VRK3: variants seen among roughly 807,000 people sequenced by gnomAD.
VRK3 encodes VRK serine/threonine kinase 3.
VRK3 carries 50 observed loss-of-function variants against 60.4 expected under a neutral mutation model. That is an observed-to-expected ratio of 0.83 (90% CI 0.66 to 1.05). The LOEUF is 1.05. VRK3 is among the 50% of genes least tolerant of loss of function. VRK3 has a pLI of 0.00. For missense variants in VRK3, 549 were observed against 585.3 expected, an observed-to-expected ratio of 0.94 and a Z score of 0.64; for synonymous variants, 246 against 227.8, an observed-to-expected ratio of 1.08 and a Z score of -0.72.
At chr19:50,024,918 A>C (rs961537021) in intron 1 of VRK3, 1 of 152,250 alleles carries the variant, frequency 6.6e-6, no homozygotes, top group Non-Finnish European at 1.5e-5. Flanking sequence ...ACCCCACCTC[A>C]GCGCAGGTGG....
At chr19:49,992,451 G>C (rs2076627742) in intron 10 of VRK3, among the ~76,000 whole-genome samples, 1 of 152,212 alleles carries the variant, frequency 6.6e-6, no homozygotes, top group Non-Finnish European at 1.5e-5. Context: ...AACTGTGACT[G>C]TTATTGCCTT....
intron 5 of VRK3, among the ~76,000 whole-genome samples, chr19:50,001,664 CCT>C (rs546686202): frequency 8.2e-4 from 125 of 152,310 alleles, no homozygotes; most frequent in African/African-American, 2.8e-3. Context: ...CATTTACAGA[CCT>C]CACCACGTCT....
intron 10 of VRK3, among the ~76,000 whole-genome samples, chr19:49,991,632 T>G (rs12462290): frequency 0.13 from 20,350 of 152,208 alleles, 1,537 homozygotes; most frequent in East Asian, 0.34. Flanking sequence ...CAGTTCTCAG[T>G]CCACGCAGTT....
At chr19:50,012,366 G>A (rs1341194948) in intron 3 of VRK3, among the ~76,000 whole-genome samples, 1 of 152,108 alleles carries the variant, frequency 6.6e-6, no homozygotes, top group Admixed American at 6.5e-5. Flanking sequence ...ATATGTTCCA[G>A]GGTCCATTCA....
intron 9 of VRK3, among the ~76,000 whole-genome samples, chr19:49,993,958 C>A (rs2076656591): frequency 6.6e-6 from 1 of 152,094 alleles, no homozygotes; most frequent in Non-Finnish European, 1.5e-5. Context: ...CCGCCCTCCC[C>A]TAATCCCAGC....
chr19:50,021,551 T>C (rs2077171236), intron 1 of VRK3, among the ~76,000 whole-genome samples: 1 of 152,210 alleles, frequency 6.6e-6, no homozygotes, highest in South Asian at 2.1e-4. Flanking sequence ...CATCAGCTGC[T>C]GGGTGAGTGG....
At chr19:49,997,708 G>C (rs763245412) in intron 6 of VRK3, 138 bp from the exon 7 acceptor site, 26 of 823,116 alleles carry the variant, frequency 3.2e-5, no homozygotes, top group Non-Finnish European at 5.0e-5. Flanking sequence ...AATTCCTCAG[G>C]TACTGCACAC....
intron 10 of VRK3, among the ~76,000 whole-genome samples, chr19:49,990,971 T>C (rs745427687): frequency 6.6e-6 from 1 of 151,864 alleles, no homozygotes; most frequent in Non-Finnish European, 1.5e-5. Flanking sequence ...TTTTATTTTG[T>C]ACAGATGAGG....
At chr19:50,015,995 A>G in intron 3 of VRK3, 29 bp downstream of exon 3, 2 of 1,614,034 alleles carry the variant, frequency 1.2e-6, no homozygotes, top group Non-Finnish European at 1.7e-6. Context: ...TTCCCACCGC[A>G]GAAACAGGCT....
intron 12 of VRK3, 77 bp downstream of exon 12, chr19:49,988,295 G>A: frequency 6.5e-7 from 1 of 1,549,772 alleles, no homozygotes; most frequent in Non-Finnish European, 8.7e-7. Context: ...CCTGCTCCCA[G>A]TTGGGCTCTG....
chr19:49,997,394 G>A (rs572934229), intron 7 of VRK3, 110 bp downstream of exon 7: 1 of 1,227,902 alleles, frequency 8.1e-7, no homozygotes, highest in Non-Finnish European at 1.1e-6. Flanking sequence ...GCAAACCTGG[G>A]CCTTTAATCT....
intron 5 of VRK3, among the ~76,000 whole-genome samples, chr19:50,004,447 T>C (rs2076860652): frequency 1.3e-5 from 2 of 152,190 alleles, no homozygotes; most frequent in Admixed American, 6.5e-5. Flanking sequence ...TTTCTCTCCC[T>C]TTCTTGGGAG....
At position 50,007,834 on chromosome 19, in the gene VRK3, A is replaced by G. The variant is rs2076924624; in HGVS notation, c.290-8T>C. ...GGGGTCTGCTCCCGGAGCCTGCAGG[A>G]GGATGTAAGAATAAAGTAAAAGCAC... On this transcript the variant is annotated splice_polypyrimidine_tract_variant and splice_region_variant and intron_variant, in intron 4 of 14. Coordinates refer to ENST00000316763, the MANE Select transcript of VRK3 (RefSeq NM_016440.4). The G allele has an allele frequency of 1.2e-6, 2 of 1,614,044 alleles. No individual in the cohort carries two copies. The highest frequency in any genetic ancestry group is 1.7e-6 in the Non-Finnish European group (2 of 1,179,982).
intron 12 of VRK3, 166 bp downstream of exon 12, chr19:49,988,206 C>T (rs2076549428): frequency 4.7e-6 from 5 of 1,067,432 alleles, no homozygotes; most frequent in Non-Finnish European, 5.1e-6. Context: ...ACCTGCCTCG[C>T]CTGCTGTGTG....
intron 1 of VRK3, 164 bp downstream of exon 1, chr19:50,025,103 G>A (rs1024087227): frequency 2.0e-5 from 3 of 152,340 alleles, no homozygotes; most frequent in African/African-American, 4.8e-5. Context: ...GGAAGCTCAA[G>A]AGGAGGCCAG....
chr19:49,989,915 A>G, intron 10 of VRK3, 144 bp from the exon 11 acceptor site: 2 of 1,031,394 alleles, frequency 1.9e-6, no homozygotes, highest in Non-Finnish European at 2.6e-6. Context: ...CATAGTAAAA[A>G]TGATGTGAAG....
chr19:49,978,971 T>C, intron 14 of VRK3, 112 bp downstream of exon 14: 1 of 1,169,774 alleles, frequency 8.5e-7, no homozygotes, highest in South Asian at 1.7e-5. Flanking sequence ...CCTGGGAAGC[T>C]GGGCCCTGGT....
chr19:49,992,765 G>A, intron 10 of VRK3, 95 bp downstream of exon 10: 5 of 1,136,264 alleles, frequency 4.4e-6, no homozygotes, highest in Non-Finnish European at 5.2e-6. Flanking sequence ...GCAATCCTTT[G>A]TCTGTAATAA....
intron 12 of VRK3, among the ~76,000 whole-genome samples, chr19:49,984,790 C>A (rs946081605): frequency 6.6e-6 from 1 of 152,138 alleles, no homozygotes. Context: ...TGCCACCACA[C>A]CCGGCTACTT....
Sources: allele counts gnomAD v4.1 joint callset (sites outside exome capture counted in the v4.1 genomes callset), GRCh38; gene constraint gnomAD v4.1.1; transcripts MANE v1.5; gene names NCBI Gene and HGNC (gene_info 2026-07-23, HGNC 2026-07-21).